CCDC7: variants seen among roughly 807,000 people sequenced by gnomAD.
The protein encoded by CCDC7 is coiled-coil domain-containing protein 7.
In CCDC7, 183 loss-of-function variants were observed where a neutral mutation model predicts 196.9. The ratio of observed to expected loss-of-function variants is 0.93; its 90% CI spans 0.82 to 1.05. CCDC7 has a LOEUF of 1.05. Among genes scored for constraint, CCDC7 ranks in the 50% least tolerant of loss-of-function variants. The pLI is 0.00. For missense variants in CCDC7, 1,540 were observed against 1,482.2 expected, an observed-to-expected ratio of 1.04 and a Z score of -0.64; for synonymous variants, 525 against 484.6, an observed-to-expected ratio of 1.08 and a Z score of -1.10.
At chr10:32,516,600 A>C (rs1270419192) in intron 9 of CCDC7, among the ~76,000 whole-genome samples, 1 of 152,142 alleles carries the variant, frequency 6.6e-6, no homozygotes, top group African/African-American at 2.4e-5. Flanking sequence ...CACTAGTTTT[A>C]ATTGCAAATC....
intron 18 of CCDC7, among the ~76,000 whole-genome samples, chr10:32,605,216 A>AGAT (rs917264481): frequency 6.6e-6 from 1 of 152,198 alleles, no homozygotes; most frequent in African/African-American, 2.4e-5. Context: ...GACACCAAGC[A>AGAT]GATGCCCAGT....
intron 28 of CCDC7, among the ~76,000 whole-genome samples, chr10:32,732,270 C>G (rs2084116251): frequency 1.3e-5 from 2 of 151,990 alleles, no homozygotes; most frequent in African/African-American, 4.8e-5. Flanking sequence ...TTAATACTTG[C>G]AGAAAAGTGA....
intron 38 of CCDC7, 30 bp from the exon 40 acceptor site, chr10:32,848,566 T>C (rs138902766): frequency 2.9e-6 from 4 of 1,391,234 alleles, no homozygotes; most frequent in Middle Eastern, 1.8e-4. Flanking sequence ...AGAGTATTCA[T>C]GCACTTTTTC....
At chr10:32,682,049 T>C (rs1199615611) in intron 21 of CCDC7, among the ~76,000 whole-genome samples, 1 of 152,174 alleles carries the variant, frequency 6.6e-6, no homozygotes, top group Non-Finnish European at 1.5e-5. Flanking sequence ...GTTCAAGTGG[T>C]ACACTTGCAG....
At chr10:32,467,773 C>T (rs1312763166) in intron 5 of CCDC7, among the ~76,000 whole-genome samples, 3 of 152,118 alleles carry the variant, frequency 2.0e-5, no homozygotes, top group Non-Finnish European at 1.5e-5. Flanking sequence ...ATGGTGTAAG[C>T]AATGAGTCCC....
At chr10:32,870,081 C>G (rs1186569883) in intron 41 of CCDC7, among the ~76,000 whole-genome samples, 2 of 152,034 alleles carry the variant, frequency 1.3e-5, no homozygotes, top group South Asian at 2.1e-4. Context: ...AATGCGGGCT[C>G]TTTTTTGGTG....
intron 18 of CCDC7, among the ~76,000 whole-genome samples, chr10:32,593,733 T>G (rs1197617260): frequency 1.3e-5 from 2 of 152,204 alleles, no homozygotes; most frequent in African/African-American, 2.4e-5. Context: ...GTATAAGGTG[T>G]AAGGAAGGGA....
chr10:32,558,666 G>T (rs1180056058), intron 13 of CCDC7, among the ~76,000 whole-genome samples: 1 of 152,170 alleles, frequency 6.6e-6, no homozygotes, highest in Non-Finnish European at 1.5e-5. Flanking sequence ...CTTCCGTCAA[G>T]AATTTACCTA....
intron 8 of CCDC7, among the ~76,000 whole-genome samples, chr10:32,478,277 G>A (rs2039362603): frequency 6.6e-6 from 1 of 152,100 alleles, no homozygotes; most frequent in Admixed American, 6.5e-5. Flanking sequence ...CTAACAGACA[G>A]TGTTACTTCT....
chr10:32,597,468 C>G (rs974262543), intron 18 of CCDC7, among the ~76,000 whole-genome samples: 11 of 152,146 alleles, frequency 7.2e-5, no homozygotes, highest in Non-Finnish European at 1.6e-4. Flanking sequence ...GTTCGAACAT[C>G]CTCCTTTAGC....
At chr10:32,614,898 G>T (rs1172773125) in intron 18 of CCDC7, among the ~76,000 whole-genome samples, 1 of 152,090 alleles carries the variant, frequency 6.6e-6, no homozygotes, top group Non-Finnish European at 1.5e-5. Context: ...TGCAGTTTTT[G>T]ATTTCCATTT....
rs376808939 is a variant in CCDC7 at position 32,702,518 on chromosome 10, C to T, written c.2458+7526C>T. On this transcript the variant is annotated intron_variant, in intron 24 of 41. Transcript: ENST00000639629. ...TCTGTTGATTTGGGGTGGAGAGTTC[C>T]GTAGATGTCTATTAGGTCCGCTTGG... Among the ~76,000 whole-genome samples the T allele has an allele frequency of 1.0e-3, 155 of 152,088 alleles. 1 individual carries two copies. The highest frequency in any genetic ancestry group is 3.4e-3 in the Middle Eastern group (1 of 294).
At chr10:32,726,862 A>C in intron 26 of CCDC7, 30 bp downstream of exon 27, 1 of 1,253,610 alleles carries the variant, frequency 8.0e-7, no homozygotes. Flanking sequence ...ATGACTTTAA[A>C]TTATTTTAAA....
chr10:32,763,899 T>C (rs2077848491), intron 28 of CCDC7, among the ~76,000 whole-genome samples: 1 of 151,906 alleles, frequency 6.6e-6, no homozygotes, highest in African/African-American at 2.4e-5. Context: ...GGACAGCTAC[T>C]GTATAGCATG....
chr10:32,820,625 C>G (rs1428775247), intron 31 of CCDC7, among the ~76,000 whole-genome samples: 2 of 152,088 alleles, frequency 1.3e-5, no homozygotes, highest in Non-Finnish European at 2.9e-5. Context: ...GAGATATAGA[C>G]CAATGGAACA....
intron 8 of CCDC7, among the ~76,000 whole-genome samples, chr10:32,480,706 A>G (rs1564401844): frequency 6.6e-6 from 1 of 152,076 alleles, no homozygotes; most frequent in Non-Finnish European, 1.5e-5. Context: ...TGCCACTGTG[A>G]TTGGGAAATA....
chr10:32,467,408 G>C (rs1274357857), intron 5 of CCDC7, among the ~76,000 whole-genome samples: 1 of 151,280 alleles, frequency 6.6e-6, no homozygotes, highest in Non-Finnish European at 1.5e-5. Context: ...CACTGCGCCC[G>C]GCCTTGTCCA....
intron 5 of CCDC7, among the ~76,000 whole-genome samples, chr10:32,467,268 ATTT>A (rs3030627): frequency 2.3e-3 from 340 of 145,520 alleles, no homozygotes; most frequent in Admixed American, 2.4e-3. Flanking sequence ...TGCCCGGCTA[ATTT>A]TTTTTTTTTT....
intron 28 of CCDC7, among the ~76,000 whole-genome samples, chr10:32,754,789 C>G (rs1318030284): frequency 6.6e-6 from 1 of 152,020 alleles, no homozygotes; most frequent in Non-Finnish European, 1.5e-5. Context: ...TGGGTACAGC[C>G]CACAGAGTGT....
Sources: allele counts gnomAD v4.1 joint callset (sites outside exome capture counted in the v4.1 genomes callset), GRCh38; gene constraint gnomAD v4.1.1; transcripts MANE v1.5; gene names NCBI Gene and HGNC (gene_info 2026-07-23, HGNC 2026-07-21).